The following GPC6 variants were observed in gnomAD, a reference collection of about 807,000 sequenced individuals.
GPC6 encodes glypican 6.
GPC6 carries 14 observed loss-of-function variants against 55.2 expected under a neutral mutation model. That is an observed-to-expected ratio of 0.25 (90% CI 0.17 to 0.40). The LOEUF is 0.40. Among genes scored for constraint, GPC6 ranks in the 10% least tolerant of loss-of-function variants. GPC6 has a pLI of 1.00. For missense variants in GPC6, 641 were observed against 708.5 expected (o/e 0.90, Z 1.08); for synonymous variants, 278 against 259.6 (o/e 1.07, Z -0.68).
intron 1 of GPC6, among the ~76,000 whole-genome samples, chr13:93,415,171 TG>T (rs1280044744): frequency 1.3e-5 from 2 of 152,030 alleles, no homozygotes; most frequent in Non-Finnish European, 2.9e-5. Flanking sequence ...ATGTGTACAG[TG>T]GGGATTATAA....
At chr13:94,074,051 G>A (rs1884827075) in intron 4 of GPC6, among the ~76,000 whole-genome samples, 1 of 152,164 alleles carries the variant, frequency 6.6e-6, no homozygotes, top group Non-Finnish European at 1.5e-5. Context: ...GAATCAGTGT[G>A]TATTAGAGAA....
chr13:93,370,645 A>T (rs1039345486), intron 1 of GPC6, among the ~76,000 whole-genome samples: 1 of 152,144 alleles, frequency 6.6e-6, no homozygotes, highest in African/African-American at 2.4e-5. Context: ...ATGGAGGAAG[A>T]GGCTGGTGGG....
intron 3 of GPC6, among the ~76,000 whole-genome samples, chr13:93,857,140 G>T (rs538903366): frequency 6.6e-6 from 1 of 151,520 alleles, no homozygotes; most frequent in East Asian, 2.0e-4. Flanking sequence ...TTAGAAGGGG[G>T]TATAAAATTC....
intron 1 of GPC6, among the ~76,000 whole-genome samples, chr13:93,342,979 C>T (rs1332813289): frequency 6.6e-6 from 1 of 152,032 alleles, no homozygotes; most frequent in African/African-American, 2.4e-5. Flanking sequence ...TTTTCCTATC[C>T]CAAATGTAGA....
intron 1 of GPC6, among the ~76,000 whole-genome samples, chr13:93,529,389 A>G (rs976358256): frequency 1.3e-5 from 2 of 152,134 alleles, no homozygotes; most frequent in Non-Finnish European, 1.5e-5. Context: ...CTGTCCTTAT[A>G]AAAGGCATCA....
At chr13:94,115,897 A>G (rs190441258) in intron 4 of GPC6, among the ~76,000 whole-genome samples, 1 of 152,194 alleles carries the variant, frequency 6.6e-6, no homozygotes, top group Non-Finnish European at 1.5e-5. Context: ...TAGAAGTCCT[A>G]CGGTGATTCT....
At chr13:94,237,891 A>G (rs907930957) in intron 4 of GPC6, among the ~76,000 whole-genome samples, 2 of 152,172 alleles carry the variant, frequency 1.3e-5, no homozygotes, top group African/African-American at 4.8e-5. Context: ...GCAAAAATGA[A>G]AACAAGGAGC....
chr13:93,722,118 G>A (rs1594401026), intron 2 of GPC6, among the ~76,000 whole-genome samples: 5 of 151,638 alleles, frequency 3.3e-5, no homozygotes, highest in African/African-American at 1.2e-4. Flanking sequence ...TTAATAAATA[G>A]TAAATATGCA....
chr13:93,830,045 A>G, intron 2 of GPC6, 109 bp from the exon 3 acceptor site: 1 of 712,888 alleles, frequency 1.4e-6, no homozygotes, highest in South Asian at 1.8e-5. Context: ...ATCACAGGAT[A>G]TGTTTTTCCA....
At chr13:93,741,751 G>A (rs1436249469) in intron 2 of GPC6, among the ~76,000 whole-genome samples, 8 of 151,998 alleles carry the variant, frequency 5.3e-5, no homozygotes, top group African/African-American at 1.9e-4. Context: ...CTTACCCCCA[G>A]CACTCTTACT....
At chr13:93,742,062 C>A (rs1884223388) in intron 2 of GPC6, among the ~76,000 whole-genome samples, 1 of 152,178 alleles carries the variant, frequency 6.6e-6, no homozygotes, top group South Asian at 2.1e-4. Context: ...TTAATTCACC[C>A]TCCATAGGTC....
At chr13:93,866,157 G>A (rs957957578) in intron 3 of GPC6, among the ~76,000 whole-genome samples, 1 of 151,734 alleles carries the variant, frequency 6.6e-6, no homozygotes, top group Non-Finnish European at 1.5e-5. Context: ...TGAAAAGCAA[G>A]TGCCTATATG....
intron 4 of GPC6, among the ~76,000 whole-genome samples, chr13:94,183,504 G>GAAT (rs1217622928): frequency 6.6e-6 from 1 of 152,140 alleles, no homozygotes; most frequent in African/African-American, 2.4e-5. Flanking sequence ...TAGCTATTGA[G>GAAT]AATAATGGTA....
At chr13:94,041,285 C>T (rs1311482170) in intron 4 of GPC6, among the ~76,000 whole-genome samples, 1 of 151,770 alleles carries the variant, frequency 6.6e-6, no homozygotes, top group Non-Finnish European at 1.5e-5. Flanking sequence ...GGAATAGCCA[C>T]TTGAGAGCTA....
chr13:93,719,208 T>C (rs559591049), intron 2 of GPC6, among the ~76,000 whole-genome samples: 4 of 152,158 alleles, frequency 2.6e-5, no homozygotes, highest in African/African-American at 9.6e-5. Flanking sequence ...ATTCTTCCTA[T>C]CCATGAGCAT....
At chr13:94,156,569 T>C (rs1017316875) in intron 4 of GPC6, among the ~76,000 whole-genome samples, 2 of 152,150 alleles carry the variant, frequency 1.3e-5, no homozygotes, top group African/African-American at 4.8e-5. Context: ...ACACACCTCA[T>C]TGACAAAGAA....
rs17195966 is a variant in GPC6 at position 94,096,004 on chromosome 13, A to G, written c.877+68110A>G. On this transcript the variant is annotated intron_variant, in intron 4 of 8. Transcript: ENST00000377047. ...GAGAAAGCCACACAGCAGTCAAAAG[A>G]TATTCAAAATGCATATATTAATATG... Among the ~76,000 whole-genome samples the G allele has an allele frequency of 8.8e-3, 1,335 of 152,308 alleles. 14 individuals carry two copies. Among genetic ancestry groups the G allele is most frequent in the Non-Finnish European group, 0.015 (995 of 68,010 alleles).
intron 1 of GPC6, among the ~76,000 whole-genome samples, chr13:93,476,542 G>T (rs1879308693): frequency 6.6e-6 from 1 of 152,108 alleles, no homozygotes; most frequent in African/African-American, 2.4e-5. Flanking sequence ...GTATCCATAA[G>T]TTTTTGCTAC....
intron 1 of GPC6, among the ~76,000 whole-genome samples, chr13:93,340,026 C>CTTTTTTTTTTTTTTTTTTTTT (rs10714044): frequency 1.2e-5 from 1 of 81,618 alleles, no homozygotes; most frequent in Non-Finnish European, 2.2e-5. Flanking sequence ...AGTTTTCTTT[C>CTTTTTTTTTTTTTTTTTTTTT]TTTTTTTTTT....
Sources: allele counts gnomAD v4.1 joint callset (sites outside exome capture counted in the v4.1 genomes callset), GRCh38; gene constraint gnomAD v4.1.1; transcripts MANE v1.5; gene names NCBI Gene and HGNC (gene_info 2026-07-23, HGNC 2026-07-21).